PTPRZ1: variants seen among roughly 807,000 people sequenced by gnomAD.
PTPRZ1 encodes protein tyrosine phosphatase receptor type Z1, also known as receptor-type tyrosine-protein phosphatase zeta.
In PTPRZ1, 82 loss-of-function variants were observed where a neutral mutation model predicts 214.1. The ratio of observed to expected loss-of-function variants is 0.38; its 90% CI spans 0.32 to 0.46. PTPRZ1 has a LOEUF of 0.46. Among genes scored for constraint, PTPRZ1 ranks in the 20% least tolerant of loss-of-function variants. The probability of loss-of-function intolerance (pLI) is 1.00; values close to 1 mark genes in which losing one functional copy is unlikely to be tolerated. For synonymous variants in PTPRZ1, 945 were observed against 987.9 expected (o/e 0.96, Z 0.81); for missense variants, 2,603 against 2,748.7 (o/e 0.95, Z 1.19).
At chr7:121,979,115 T>C (rs1797527075) in intron 6 of PTPRZ1, among the ~76,000 whole-genome samples, 1 of 152,118 alleles carries the variant, frequency 6.6e-6, no homozygotes, top group Non-Finnish European at 1.5e-5. Context: ...TTATAAGATC[T>C]ATCTTACTAT....
chr7:122,038,609 C>A, intron 18 of PTPRZ1, 146 bp from the exon 19 acceptor site: 2 of 544,546 alleles, frequency 3.7e-6, no homozygotes, highest in South Asian at 4.2e-5. Context: ...TTAGTTGGTA[C>A]CATCAAATTT....
chr7:122,044,570 T>A lies in PTPRZ1; in HGVS notation c.6084+2T>A. The A allele has an allele frequency of 6.2e-7, 1 of 1,613,018 alleles. No homozygotes were observed. ...ACAAAGCTAGAGAAACAATTCCAGG[T>A]GAGTCCTCTTGGAAGCCTCTTGGAT... On this transcript the variant is annotated splice_donor_variant, in intron 23 of 29. Coordinates refer to ENST00000393386, the MANE Select transcript of PTPRZ1 (RefSeq NM_002851.3). LOFTEE classifies it high-confidence loss of function.
chr7:121,874,111 T>G (rs985231112), intron 1 of PTPRZ1, among the ~76,000 whole-genome samples: 11 of 151,432 alleles, frequency 7.3e-5, no homozygotes, highest in Non-Finnish European at 1.0e-4. Context: ...CTTTTCAGGG[T>G]TTTTTTTATT....
At chr7:121,924,118 A>G (rs777322373) in intron 1 of PTPRZ1, among the ~76,000 whole-genome samples, 30 of 152,136 alleles carry the variant, frequency 2.0e-4, no homozygotes, top group Non-Finnish European at 4.0e-4. Flanking sequence ...TATCACTACA[A>G]AATAGTCACA....
intron 12 of PTPRZ1, 96 bp downstream of exon 12, chr7:122,013,985 G>T: frequency 9.6e-7 from 1 of 1,036,488 alleles, no homozygotes. Context: ...TTGGTAAAAT[G>T]GTACATCATC....
chr7:121,973,940 GAA>G (rs371692415), intron 4 of PTPRZ1, among the ~76,000 whole-genome samples: 20 of 86,216 alleles, frequency 2.3e-4, no homozygotes, highest in African/African-American at 8.2e-4. Context: ...TCTCAAAAAA[GAA>G]AAAAAAAAAA....
At chr7:122,059,925 T>TA in intron 29 of PTPRZ1, 37 bp downstream of exon 29, 2 of 1,596,970 alleles carry the variant, frequency 1.3e-6, no homozygotes, top group Non-Finnish European at 1.7e-6. Context: ...TTTTCACTGA[T>TA]AGAGTACAAC....
intron 1 of PTPRZ1, among the ~76,000 whole-genome samples, chr7:121,923,008 T>C (rs1795645328): frequency 6.6e-6 from 1 of 151,928 alleles, no homozygotes; most frequent in South Asian, 2.1e-4. Context: ...GAAGAGAGAG[T>C]AGGATGAAAG....
At position 121,995,890 on chromosome 7, in the gene PTPRZ1, C is replaced by T. The variant is rs191551415; in HGVS notation, c.929-492C>T. On this transcript the variant is annotated intron_variant, in intron 8 of 29. Transcript: ENST00000393386. The stretch of plus-strand genomic sequence containing the variant: ...ACAAGAGAAATTAAGTCATCATGAG[C>T]TTGCAGATATTCTTTGTTCATTTAT... Among the ~76,000 whole-genome samples, 296 of 152,262 alleles carry T rather than the reference C, an allele frequency of 1.9e-3. 1 individual carries two copies. The highest frequency in any genetic ancestry group is 6.7e-3 in the African/African-American group (278 of 41,566).
At chr7:121,953,314 A>G (rs979175136) in intron 2 of PTPRZ1, among the ~76,000 whole-genome samples, 18 of 152,190 alleles carry the variant, frequency 1.2e-4, no homozygotes, top group Admixed American at 2.0e-4. Context: ...TCCTCAAATG[A>G]TATCTGTATG....
intron 1 of PTPRZ1, among the ~76,000 whole-genome samples, chr7:121,877,892 A>G (rs923000754): frequency 2.6e-5 from 4 of 151,950 alleles, no homozygotes; most frequent in African/African-American, 9.7e-5. Context: ...TTTAAACAAG[A>G]GAGAGATATG....
chr7:121,897,082 A>G (rs1466261745), intron 1 of PTPRZ1, among the ~76,000 whole-genome samples: 3 of 152,190 alleles, frequency 2.0e-5, no homozygotes, highest in African/African-American at 7.2e-5. Context: ...TCTCAAGACA[A>G]TCATAGTACC....
intron 8 of PTPRZ1, among the ~76,000 whole-genome samples, chr7:121,989,155 T>C (rs1416800218): frequency 6.6e-6 from 1 of 152,214 alleles, no homozygotes; most frequent in African/African-American, 2.4e-5. Context: ...ATGTCCATTG[T>C]ATAACAGTCT....
chr7:121,886,019 A>T (rs983468708), intron 1 of PTPRZ1, among the ~76,000 whole-genome samples: 1 of 152,062 alleles, frequency 6.6e-6, no homozygotes, highest in Admixed American at 6.6e-5. Context: ...ATGAGTTCTC[A>T]CTCTTAAATA....
At position 122,059,785 on chromosome 7, in the gene PTPRZ1, C is replaced by A; in HGVS notation, c.6704C>A (p.Ala2235Asp). The A allele has an allele frequency of 6.2e-7, 1 of 1,612,254 alleles. No homozygotes were observed. The change falls in exon 29 of 30, where the codon GCT becomes GAT. Residue 2235 changes from alanine to aspartate, a missense_variant. Coordinates refer to ENST00000393386, the MANE Select transcript of PTPRZ1 (RefSeq NM_002851.3). ...GGAGTGACGGCAGGAACTTTCTGTG[C>A]TCTGACAACCCTTATGCACCAACTA... ...HGGVTAGTFC[A>D]LTTLMHQLEK...
intron 27 of PTPRZ1, among the ~76,000 whole-genome samples, chr7:122,057,771 CT>C (rs1036588326): frequency 3.3e-5 from 5 of 150,846 alleles, no homozygotes; most frequent in Non-Finnish European, 5.9e-5. Context: ...AAAAAAATAC[CT>C]TTTACCCTGA....
chr7:121,974,265 A>G (rs769388194), intron 4 of PTPRZ1, among the ~76,000 whole-genome samples: 8 of 152,146 alleles, frequency 5.3e-5, no homozygotes, highest in Non-Finnish European at 8.8e-5. Context: ...GCTTTGTCAA[A>G]GTAGTCAAAG....
chr7:121,981,151 A>G (rs1475360844), intron 6 of PTPRZ1, among the ~76,000 whole-genome samples: 2 of 151,978 alleles, frequency 1.3e-5, no homozygotes, highest in South Asian at 2.1e-4. Flanking sequence ...AAAAAAAAAA[A>G]AAAGAAAGAA....
Position 122,019,276 on chromosome 7 carries a change from G to A in PTPRZ1, c.4988+8G>A. ...TATTCTCATCTACTGGAGGTAAGTT[G>A]AGTATTTGTTTTGGAAAATTTAATT... is the stretch of plus-strand genomic sequence containing the variant. On this transcript the variant is annotated splice_region_variant and intron_variant, in intron 13 of 29. Coordinates refer to ENST00000393386, the MANE Select transcript of PTPRZ1 (RefSeq NM_002851.3). 1 of 1,606,920 alleles carries A rather than the reference G, an allele frequency of 6.2e-7. No individual in the cohort carries two copies. The highest frequency in any genetic ancestry group is 1.3e-5 in the African/African-American group (1 of 74,738).
Sources: allele counts gnomAD v4.1 joint callset (sites outside exome capture counted in the v4.1 genomes callset), GRCh38; gene constraint gnomAD v4.1.1; transcripts MANE v1.5; gene names NCBI Gene and HGNC (gene_info 2026-07-23, HGNC 2026-07-21).